The following PDZD2 variants were observed in gnomAD, a reference collection of about 807,000 sequenced individuals.
PDZD2 encodes the protein PDZ domain-containing protein 2.
In PDZD2, 90 loss-of-function variants were observed where a neutral mutation model predicts 220.7. That is an observed-to-expected ratio of 0.41 (90% CI 0.34 to 0.49). The LOEUF is 0.49. Ranked by LOEUF, PDZD2 falls within the 20% of genes least tolerant of loss-of-function variation. The pLI, the probability that PDZD2 is intolerant of heterozygous loss-of-function variation, is 0.28. For missense variants in PDZD2, 3,174 were observed against 3,608.5 expected (o/e 0.88, Z 3.08); for synonymous variants, 1,375 against 1,450.5 (o/e 0.95, Z 1.18).
intron 2 of PDZD2, among the ~76,000 whole-genome samples, chr5:31,892,786 GT>G (rs1741171219): frequency 6.9e-6 from 1 of 144,504 alleles, no homozygotes; most frequent in Non-Finnish European, 1.5e-5. Context: ...GCTAAGGCTG[GT>G]TTTGAACTTC....
chr5:31,933,055 T>G (rs1339868397), intron 2 of PDZD2, among the ~76,000 whole-genome samples: 1 of 152,048 alleles, frequency 6.6e-6, no homozygotes, highest in Non-Finnish European at 1.5e-5. Flanking sequence ...GGATTACAGA[T>G]GTGTGCCACC....
At chr5:32,081,630 C>G (rs762126348) in intron 19 of PDZD2, among the ~76,000 whole-genome samples, 5 of 152,222 alleles carry the variant, frequency 3.3e-5, no homozygotes, top group Non-Finnish European at 5.9e-5. Flanking sequence ...CTGCTGAGTA[C>G]TTGAGTGCTC....
chr5:32,053,989 C>T (rs747557764), intron 10 of PDZD2, 106 bp downstream of exon 10: 32 of 674,962 alleles, frequency 4.7e-5, no homozygotes, highest in Admixed American at 2.1e-4. Context: ...TAGACCTCGG[C>T]GGAATCTGCC....
At chr5:31,720,305 G>C (rs1260901650) in intron 1 of PDZD2, among the ~76,000 whole-genome samples, 1 of 152,176 alleles carries the variant, frequency 6.6e-6, no homozygotes, top group Non-Finnish European at 1.5e-5. Flanking sequence ...ATGTGGAAAG[G>C]CAATGAGTAA....
intron 6 of PDZD2, among the ~76,000 whole-genome samples, chr5:32,033,073 G>A (rs1755247308): frequency 6.6e-6 from 1 of 152,168 alleles, no homozygotes; most frequent in South Asian, 2.1e-4. Flanking sequence ...AAGCAATAAT[G>A]GCATTGTTTT....
chr5:31,924,851 T>G (rs1331785655), intron 2 of PDZD2, among the ~76,000 whole-genome samples: 1 of 152,234 alleles, frequency 6.6e-6, no homozygotes, highest in Non-Finnish European at 1.5e-5. Context: ...AGAAAATTCC[T>G]TATTCCTTCT....
At chr5:32,078,638 T>TAA (rs66500422) in intron 19 of PDZD2, among the ~76,000 whole-genome samples, 30,866 of 104,674 alleles carry the variant, frequency 0.29, 4,479 homozygotes, top group Admixed American at 0.32. Flanking sequence ...TCTCAAAAAT[T>TAA]AAAAAAAAAA....
chr5:31,969,902 T>C (rs1249715960), intron 2 of PDZD2, among the ~76,000 whole-genome samples: 1 of 152,070 alleles, frequency 6.6e-6, no homozygotes, highest in East Asian at 1.9e-4. Context: ...TATTTATTTA[T>C]TTATTTATTT....
intron 7 of PDZD2, among the ~76,000 whole-genome samples, chr5:32,038,606 A>AT (rs139611239): frequency 0.03 from 4,511 of 151,440 alleles, 224 homozygotes; most frequent in African/African-American, 0.1. Flanking sequence ...TATTACGTTT[A>AT]TTTTTTTTTC....
chr5:31,898,937 C>T (rs893661261), intron 2 of PDZD2, among the ~76,000 whole-genome samples: 1 of 150,758 alleles, frequency 6.6e-6, no homozygotes, highest in Non-Finnish European at 1.5e-5. Flanking sequence ...ACGCCATTCT[C>T]CTGCCTCAGC....
chr5:31,840,435 TA>T (rs1561499273), intron 2 of PDZD2: 3,166 of 93,236 alleles, frequency 0.034, 239 homozygotes, highest in African/African-American at 0.04. Flanking sequence ...TATATATATA[TA>T]TATATATATA....
chr5:32,072,299 C>T lies in PDZD2; in HGVS notation c.2707C>T (p.Leu903=). Residue 903 remains leucine (L), a synonymous_variant, in exon 17 of 25, where the codon CTG becomes TTG. Transcript: ENST00000438447. ...SGCSTSEEGS[L]PPSTSTHKEP... Reference sequence around the variant, plus strand: ...CTGCAGCACGTCGGAGGAGGGCAGCCTGCCTCCCAGCACCTCCAGTAAGCA... The same window carrying T: ...CTGCAGCACGTCGGAGGAGGGCAGCTTGCCTCCCAGCACCTCCAGTAAGCA... 2 of 1,613,214 alleles carry T rather than the reference C, an allele frequency of 1.2e-6. No homozygotes were observed. Among genetic ancestry groups the T allele is most frequent in the East Asian group, 2.2e-5 (1 of 44,880 alleles).
intron 2 of PDZD2, among the ~76,000 whole-genome samples, chr5:31,944,814 C>G (rs916960971): frequency 2.0e-5 from 3 of 152,194 alleles, no homozygotes; most frequent in Non-Finnish European, 4.4e-5. Flanking sequence ...TTGGAGGGGC[C>G]GCTTCCTGGC....
chr5:31,949,991 A>T (rs1049096942), intron 2 of PDZD2, among the ~76,000 whole-genome samples: 2 of 152,022 alleles, frequency 1.3e-5, no homozygotes, highest in African/African-American at 4.8e-5. Context: ...TGCCATTTTT[A>T]AATTTTAATG....
At chr5:31,736,573 T>C (rs1475228015) in intron 1 of PDZD2, among the ~76,000 whole-genome samples, 1 of 152,238 alleles carries the variant, frequency 6.6e-6, no homozygotes, top group African/African-American at 2.4e-5. Flanking sequence ...ATTCTTATAA[T>C]ACTGAAAAGT....
At chr5:31,745,116 C>T (rs1023522624) in intron 1 of PDZD2, among the ~76,000 whole-genome samples, 1 of 152,030 alleles carries the variant, frequency 6.6e-6, no homozygotes, top group Non-Finnish European at 1.5e-5. Context: ...AAATAAACAC[C>T]AAGTGTCCCT....
At chr5:31,840,880 A>T in intron 2 of PDZD2, 3 of 672,946 alleles carry the variant, frequency 4.5e-6, no homozygotes, top group Non-Finnish European at 8.1e-6. Flanking sequence ...TTATAGATTC[A>T]CATATACATG....
chr5:31,689,290 C>CATATATACAT (rs72431052), intron 1 of PDZD2, among the ~76,000 whole-genome samples: 10 of 96,610 alleles, frequency 1.0e-4, no homozygotes, highest in South Asian at 3.1e-4. Flanking sequence ...TATATACATA[C>CATATATACAT]ATATACATAT....
chr5:31,834,872 ATAAAG>A lies in PDZD2; in HGVS notation c.476+35151_476+35155del, dbSNP rs1449586442. ...ATGTTGTGCACATGTACCCTAGAAC[ATAAAG>A]TATAATAAAAATATATATATTTGTA... On this transcript the variant is annotated intron_variant, in intron 2 of 24. Coordinates refer to ENST00000438447, the MANE Select transcript of PDZD2 (RefSeq NM_178140.4). 2.0e-5 allele frequency among the ~76,000 whole-genome samples: 3 copies of A among 150,632 alleles called. No homozygotes were observed. In the Admixed American group the frequency reaches 2.0e-4, roughly 10 times the overall value.
Sources: allele counts gnomAD v4.1 joint callset (sites outside exome capture counted in the v4.1 genomes callset), GRCh38; gene constraint gnomAD v4.1.1; transcripts MANE v1.5; gene names NCBI Gene and HGNC (gene_info 2026-07-23, HGNC 2026-07-21).